Variants in SPOCK1 observed in about 807,000 individuals in gnomAD.
SPOCK1 encodes the protein testican-1.
Under a neutral mutation model 55.3 loss-of-function variants are expected in SPOCK1, and 23 were observed. The observed-to-expected ratio is 0.42, with a 90% CI of 0.30 to 0.59. The LOEUF (loss-of-function observed/expected upper bound fraction) is 0.59. SPOCK1 is among the 20% of genes least tolerant of loss of function. The probability of loss-of-function intolerance (pLI) is 0.22; values close to 1 mark genes in which losing one functional copy is unlikely to be tolerated. For synonymous variants in SPOCK1, 226 were observed against 221.0 expected, an observed-to-expected ratio of 1.02 and a Z score of -0.20; for missense variants, 499 against 552.5, an observed-to-expected ratio of 0.90 and a Z score of 0.97.
At chr5:137,036,980 A>T (rs57402924) in intron 6 of SPOCK1, among the ~76,000 whole-genome samples, 1 of 152,222 alleles carries the variant, frequency 6.6e-6, no homozygotes, top group African/African-American at 2.4e-5. Context: ...AGAGAGAGAG[A>T]GTGGCTGCAC....
At chr5:137,312,150 T>C (rs571784166) in intron 2 of SPOCK1, among the ~76,000 whole-genome samples, 2 of 152,346 alleles carry the variant, frequency 1.3e-5, no homozygotes, top group African/African-American at 4.8e-5. Flanking sequence ...CTCATTTCAA[T>C]AAATGCCTGG....
intron 6 of SPOCK1, among the ~76,000 whole-genome samples, chr5:137,055,178 C>A (rs770844265): frequency 1.3e-5 from 2 of 152,192 alleles, no homozygotes; most frequent in Non-Finnish European, 2.9e-5. Context: ...TATGCAGACC[C>A]ATGAGCAACA....
chr5:137,194,927 G>A (rs899032148), intron 3 of SPOCK1, among the ~76,000 whole-genome samples: 3 of 152,152 alleles, frequency 2.0e-5, no homozygotes, highest in African/African-American at 7.2e-5. Flanking sequence ...GGTCCTGTCT[G>A]GTCAGGCTCC....
chr5:137,004,114 A>G (rs1388954322), intron 6 of SPOCK1, among the ~76,000 whole-genome samples: 1 of 152,214 alleles, frequency 6.6e-6, no homozygotes, highest in African/African-American at 2.4e-5. Flanking sequence ...GTCCAGCAGC[A>G]TCTCCAGGGG....
At chr5:137,095,676 G>T (rs1460093502) in intron 5 of SPOCK1, among the ~76,000 whole-genome samples, 2 of 152,198 alleles carry the variant, frequency 1.3e-5, no homozygotes, top group Non-Finnish European at 2.9e-5. Flanking sequence ...AGCCAGGCTG[G>T]CAAGCAGCTC....
At chr5:137,375,246 G>A (rs551433166) in intron 2 of SPOCK1, among the ~76,000 whole-genome samples, 1 of 152,260 alleles carries the variant, frequency 6.6e-6, no homozygotes, top group East Asian at 1.9e-4. Flanking sequence ...ATAAAACACA[G>A]CAATGACAAA....
At chr5:137,054,928 T>C (rs186561936) in intron 6 of SPOCK1, among the ~76,000 whole-genome samples, 23 of 152,240 alleles carry the variant, frequency 1.5e-4, no homozygotes, top group Admixed American at 4.6e-4. Flanking sequence ...TGCCAGTACA[T>C]AAGGTCCAAA....
chr5:137,207,219 G>A (rs546786366), intron 3 of SPOCK1, among the ~76,000 whole-genome samples: 86 of 152,280 alleles, frequency 5.6e-4, no homozygotes, highest in African/African-American at 2.1e-3. Flanking sequence ...AGCCGGCACT[G>A]CTATCACTCT....
intron 2 of SPOCK1, among the ~76,000 whole-genome samples, chr5:137,288,535 G>T (rs1389108944): frequency 2.0e-5 from 3 of 152,300 alleles, no homozygotes; most frequent in Middle Eastern, 3.4e-3. Flanking sequence ...TAAAGCAAGG[G>T]TCTTTAATCA....
intron 3 of SPOCK1, among the ~76,000 whole-genome samples, chr5:137,203,938 G>A (rs1223434546): frequency 6.6e-6 from 1 of 152,182 alleles, no homozygotes. Context: ...ACTTCCAAAG[G>A]GAGGGGAAAA....
chr5:137,290,486 A>T (rs2916641), intron 2 of SPOCK1, among the ~76,000 whole-genome samples: 127,714 of 152,180 alleles, frequency 0.84, 53,741 homozygotes, highest in African/African-American at 0.88. Context: ...TTAGGGGAGC[A>T]TGAGCGAGGC....
At chr5:137,060,597 A>G (rs973613102) in intron 6 of SPOCK1, among the ~76,000 whole-genome samples, 3 of 151,474 alleles carry the variant, frequency 2.0e-5, no homozygotes, top group Non-Finnish European at 4.4e-5. Context: ...TAAAACTAAA[A>G]GTTAAAATAA....
intron 3 of SPOCK1, among the ~76,000 whole-genome samples, chr5:137,155,742 A>C (rs1350554355): frequency 6.6e-6 from 1 of 152,190 alleles, no homozygotes; most frequent in Non-Finnish European, 1.5e-5. Flanking sequence ...TCGTTTTTTA[A>C]ATGGGCAACA....
At chr5:137,247,791 G>A (rs1259186621) in intron 3 of SPOCK1, among the ~76,000 whole-genome samples, 2 of 152,306 alleles carry the variant, frequency 1.3e-5, no homozygotes, top group East Asian at 1.9e-4. Flanking sequence ...GAAAACCTGA[G>A]GGGGTGGCCT....
At chr5:137,123,695 C>G (rs1185613159) in intron 4 of SPOCK1, among the ~76,000 whole-genome samples, 1 of 152,108 alleles carries the variant, frequency 6.6e-6, no homozygotes, top group Non-Finnish European at 1.5e-5. Flanking sequence ...CACAGGAAAG[C>G]TACCTCAGAA....
intron 2 of SPOCK1, among the ~76,000 whole-genome samples, chr5:137,314,367 A>G (rs1460499675): frequency 6.6e-6 from 1 of 152,156 alleles, no homozygotes; most frequent in Non-Finnish European, 1.5e-5. Flanking sequence ...GCACTCTAGT[A>G]TCTCCACCAG....
chr5:137,219,891 G>A (rs926937095), intron 3 of SPOCK1, among the ~76,000 whole-genome samples: 5 of 152,152 alleles, frequency 3.3e-5, no homozygotes, highest in African/African-American at 7.2e-5. Context: ...TGCCTCCTTA[G>A]AGTGAGCAGG....
At chr5:137,111,885 A>C (rs1859346) in intron 5 of SPOCK1, among the ~76,000 whole-genome samples, 36,743 of 152,052 alleles carry the variant, frequency 0.24, 4,786 homozygotes, top group Non-Finnish European at 0.29. Flanking sequence ...GGTTTGAGTT[A>C]AAATGACCTG....
chr5:136,996,313 A>C (rs1751039223), intron 6 of SPOCK1, among the ~76,000 whole-genome samples: 1 of 152,078 alleles, frequency 6.6e-6, no homozygotes, highest in South Asian at 2.1e-4. Context: ...CAATCCCGGC[A>C]ATTTCTGGAG....
Sources: gnomAD v4.1 joint callset for allele counts (sites outside exome capture counted in the v4.1 genomes callset) on GRCh38, gnomAD v4.1.1 for gene constraint, MANE v1.5 for transcripts, NCBI Gene and HGNC (gene_info 2026-07-23, HGNC 2026-07-21) for gene names.